Variants in RALGAPA2 observed in about 807,000 individuals in gnomAD.
RALGAPA2 encodes Ral GTPase activating protein catalytic subunit alpha 2.
Under a neutral mutation model 230.4 loss-of-function variants are expected in RALGAPA2, and 139 were observed. The ratio of observed to expected loss-of-function variants is 0.60; its 90% CI spans 0.53 to 0.69. The LOEUF (loss-of-function observed/expected upper bound fraction) is 0.69. Ranked by LOEUF, RALGAPA2 falls within the 30% of genes least tolerant of loss-of-function variation. RALGAPA2 has a pLI of 0.00. For synonymous variants in RALGAPA2, 847 were observed against 837.8 expected, an observed-to-expected ratio of 1.01 and a Z score of -0.19; for missense variants, 2,163 against 2,276.0, an observed-to-expected ratio of 0.95 and a Z score of 1.01.
chr20:20,522,266 A>C (rs993199015), intron 30 of RALGAPA2, among the ~76,000 whole-genome samples: 3 of 151,962 alleles, frequency 2.0e-5, no homozygotes, highest in African/African-American at 7.3e-5. Context: ...AAAAAAAAAA[A>C]CCTTGAATAT....
At chr20:20,458,385 A>T (rs917586336) in intron 37 of RALGAPA2, among the ~76,000 whole-genome samples, 1 of 146,496 alleles carries the variant, frequency 6.8e-6, no homozygotes, top group Non-Finnish European at 1.5e-5. Context: ...TCCAAAAAAA[A>T]TACATTTTTT....
At chr20:20,442,309 G>T (rs2060756297) in intron 37 of RALGAPA2, among the ~76,000 whole-genome samples, 1 of 152,230 alleles carries the variant, frequency 6.6e-6, no homozygotes, top group Admixed American at 6.5e-5. Context: ...GATTGGCCAA[G>T]AGATACTTGG....
At chr20:20,673,156 GC>G (rs1380656509) in intron 3 of RALGAPA2, among the ~76,000 whole-genome samples, 1 of 151,286 alleles carries the variant, frequency 6.6e-6, no homozygotes, top group Non-Finnish European at 1.5e-5. Flanking sequence ...CTGAACTCCA[GC>G]CTGGGCGACA....
intron 12 of RALGAPA2, 87 bp downstream of exon 12, chr20:20,619,190 T>A: frequency 7.9e-7 from 1 of 1,266,724 alleles, no homozygotes. Flanking sequence ...CCATACTTTA[T>A]ATGACATTAT....
Position 20,540,519 on chromosome 20 carries a change from C to T in RALGAPA2, c.3286-3735G>A, listed in dbSNP as rs529188986. On this transcript the variant is annotated intron_variant, in intron 24 of 39. Transcript: ENST00000202677. ...TTTACTGTAGTTTCAAAGAACATAA[C>T]ACTTTTTTCTTTATTGCAAGCTGGT... Among the ~76,000 whole-genome samples, 3 of 152,218 alleles carry T rather than the reference C, an allele frequency of 2.0e-5. No individual in the cohort carries two copies. In the South Asian group the frequency reaches 6.2e-4, roughly 32 times the overall value.
chr20:20,635,600 G>T lies in RALGAPA2; in HGVS notation c.823C>A (p.Pro275Thr). 2 of 1,552,380 alleles carry T rather than the reference G, an allele frequency of 1.3e-6. No individual in the cohort carries two copies. Among genetic ancestry groups the T allele is most frequent in the Non-Finnish European group, 1.7e-6 (2 of 1,156,776 alleles). The change falls in exon 9 of 40, where the codon CCA becomes ACA. Residue 275 changes from proline to threonine, a missense_variant. Transcript: ENST00000202677. Reference protein sequence around the residue: ...KPVLDIPHLRPKPVYITTTRD... With the variant: ...KPVLDIPHLRTKPVYITTTRD... ...GTGGTAGTAATGTACACAGGCTTTG[G>T]TCTCAAATGGGGGATGTCTGGTAGA...
Position 20,620,604 on chromosome 20 carries a change from T to C in RALGAPA2, c.1260A>G (p.Ile420Met), listed in dbSNP as rs773121569. The C allele has an allele frequency of 1.9e-6, 3 of 1,611,214 alleles. No individual in the cohort carries two copies. In the East Asian group the frequency reaches 6.7e-5, roughly 36 times the overall value. Residue 420 changes from isoleucine (I) to methionine (M), a missense_variant, in exon 11 of 40, where the codon ATA becomes ATG. Ile to Met is a conservative substitution (Grantham distance 10). Transcript: ENST00000202677. ...HQAFLLPSCE[I>M]AVTRKVVQVY... ...CTTGAACTACTTTTCTTGTTACAGC[T>C]ATCTCACAGGAAGGCAACAAAAATG...
chr20:20,652,143 TCA>T (rs2067422239), intron 4 of RALGAPA2, among the ~76,000 whole-genome samples: 1 of 152,226 alleles, frequency 6.6e-6, no homozygotes, highest in Non-Finnish European at 1.5e-5. Context: ...TTCAAATAAT[TCA>T]GTTTCTATAA....
chr20:20,635,158 T>C (rs898656041), intron 9 of RALGAPA2, among the ~76,000 whole-genome samples: 2 of 151,602 alleles, frequency 1.3e-5, no homozygotes, highest in Non-Finnish European at 1.5e-5. Context: ...GAGCCAGGAG[T>C]GTGCACACAA....
chr20:20,477,986 C>T (rs2061689328), intron 36 of RALGAPA2, among the ~76,000 whole-genome samples: 1 of 152,110 alleles, frequency 6.6e-6, no homozygotes, highest in South Asian at 2.1e-4. Flanking sequence ...TGGCCCTTTA[C>T]AAAAAATGTT....
At chr20:20,411,093 T>C (rs1267786731) in intron 38 of RALGAPA2, among the ~76,000 whole-genome samples, 2 of 152,228 alleles carry the variant, frequency 1.3e-5, no homozygotes, top group African/African-American at 4.8e-5. Flanking sequence ...CAAGTCAGAA[T>C]AGGAGAAGTA....
chr20:20,569,322 A>G (rs1414488472), intron 23 of RALGAPA2, among the ~76,000 whole-genome samples: 1 of 152,190 alleles, frequency 6.6e-6, no homozygotes, highest in African/African-American at 2.4e-5. Context: ...ATATATAACA[A>G]TAATTGTTAA....
At chr20:20,648,098 C>T (rs1406237985) in intron 4 of RALGAPA2, among the ~76,000 whole-genome samples, 1 of 152,036 alleles carries the variant, frequency 6.6e-6, no homozygotes, top group Non-Finnish European at 1.5e-5. Context: ...ACCATCAATA[C>T]CTGAATAAAT....
At chr20:20,434,090 G>A (rs768326651) in intron 37 of RALGAPA2, among the ~76,000 whole-genome samples, 22 of 152,108 alleles carry the variant, frequency 1.4e-4, no homozygotes, top group Non-Finnish European at 3.1e-4. Context: ...GCCTGAAAAA[G>A]CCCCTGAAAA....
chr20:20,494,430 C>T (rs1056910526), intron 36 of RALGAPA2, among the ~76,000 whole-genome samples: 2 of 152,300 alleles, frequency 1.3e-5, no homozygotes, highest in African/African-American at 2.4e-5. Flanking sequence ...AAAAACAAGT[C>T]GCTACATAAA....
At chr20:20,623,717 C>A (rs986511453) in intron 10 of RALGAPA2, among the ~76,000 whole-genome samples, 1 of 152,030 alleles carries the variant, frequency 6.6e-6, no homozygotes, top group African/African-American at 2.4e-5. Context: ...TCCTTAGCTG[C>A]ATCTAATCTA....
intron 3 of RALGAPA2, among the ~76,000 whole-genome samples, chr20:20,662,574 T>C (rs1392843261): frequency 6.6e-6 from 1 of 152,212 alleles, no homozygotes; most frequent in Admixed American, 6.5e-5. Context: ...TCACCAAGTA[T>C]TGTTAATCAC....
intron 14 of RALGAPA2, among the ~76,000 whole-genome samples, chr20:20,610,857 CT>C (rs2065955424): frequency 6.6e-6 from 1 of 152,190 alleles, no homozygotes; most frequent in Non-Finnish European, 1.5e-5. Context: ...AGGATACACA[CT>C]CCTCTGGTTT....
chr20:20,536,603 T>A, intron 25 of RALGAPA2, 53 bp downstream of exon 25: 7 of 1,572,606 alleles, frequency 4.5e-6, no homozygotes, highest in Non-Finnish European at 6.1e-6. Flanking sequence ...TAATCATACA[T>A]CTAGAATTAT....
Sources: allele counts gnomAD v4.1 joint callset (sites outside exome capture counted in the v4.1 genomes callset), GRCh38; gene constraint gnomAD v4.1.1; transcripts MANE v1.5; gene names NCBI Gene and HGNC (gene_info 2026-07-23, HGNC 2026-07-21).